DST: variants seen among roughly 807,000 people sequenced by gnomAD.
DST encodes dystonin.
Under a neutral mutation model 875.2 loss-of-function variants are expected in DST, and 253 were observed. The observed-to-expected ratio is 0.29, with a 90% confidence interval of 0.26 to 0.32. The LOEUF (loss-of-function observed/expected upper bound fraction) is 0.32. Ranked by LOEUF, DST falls within the 10% of genes least tolerant of loss-of-function variation. The pLI, the probability that DST is intolerant of heterozygous loss-of-function variation, is 1.00. For missense variants in DST, 8,287 were observed against 9,111.6 expected, an observed-to-expected ratio of 0.91 and a Z score of 3.68; for synonymous variants, 3,124 against 3,197.1, an observed-to-expected ratio of 0.98 and a Z score of 0.77.
At position 56,472,234 on chromosome 6, in the gene DST, T is replaced by G; in HGVS notation, c.21995-12A>C. 1 of 1,612,032 alleles carries G rather than the reference T, an allele frequency of 6.2e-7. No homozygotes were observed. Among genetic ancestry groups the G allele is most frequent in the Non-Finnish European group, 8.5e-7 (1 of 1,178,838 alleles). Reference sequence around the variant, plus strand: ...TGGAAAGCGTTTTCCTGTGAAGGTATAACTTCGGTTAGGATGGCAGTTTCC... The same window carrying G: ...TGGAAAGCGTTTTCCTGTGAAGGTAGAACTTCGGTTAGGATGGCAGTTTCC... On this transcript the variant is annotated splice_polypyrimidine_tract_variant and intron_variant, in intron 93 of 103. Transcript: ENST00000680361.
chr6:56,700,591 A>G (rs2099296152), intron 8 of DST, among the ~76,000 whole-genome samples: 1 of 152,176 alleles, frequency 6.6e-6, no homozygotes, highest in Admixed American at 6.5e-5. Flanking sequence ...AAATATTTTA[A>G]AATAATATAA....
At chr6:56,768,303 T>C (rs1400938752) in intron 4 of DST, among the ~76,000 whole-genome samples, 1 of 152,194 alleles carries the variant, frequency 6.6e-6, no homozygotes, top group East Asian at 1.9e-4. Flanking sequence ...ATTATAAAGC[T>C]ACAGTTGTCG....
intron 10 of DST, among the ~76,000 whole-genome samples, chr6:56,661,494 G>C (rs527899221): frequency 4.6e-5 from 7 of 152,134 alleles, no homozygotes; most frequent in African/African-American, 1.7e-4. Context: ...CAGCATGCGG[G>C]GGGAGGGGAA....
At chr6:56,581,929 T>C (rs530893052) in intron 49 of DST, among the ~76,000 whole-genome samples, 1 of 152,344 alleles carries the variant, frequency 6.6e-6, no homozygotes, top group East Asian at 1.9e-4. Context: ...AAGTTCCTCC[T>C]AGATTCCATC....
At chr6:56,551,265 G>C (rs1168438431) in intron 61 of DST, among the ~76,000 whole-genome samples, 1 of 152,112 alleles carries the variant, frequency 6.6e-6, no homozygotes, top group Non-Finnish European at 1.5e-5. Context: ...AAAATAATTT[G>C]TGGTTTTATA....
chr6:56,653,630 A>G (rs1228898939), intron 10 of DST, among the ~76,000 whole-genome samples: 1 of 152,208 alleles, frequency 6.6e-6, no homozygotes, highest in Non-Finnish European at 1.5e-5. Flanking sequence ...GGTTGCAGTG[A>G]GCCGAGATCA....
intron 92 of DST, among the ~76,000 whole-genome samples, chr6:56,475,815 G>C (rs150998098): frequency 8.5e-5 from 13 of 152,320 alleles, no homozygotes; most frequent in South Asian, 6.2e-4. Flanking sequence ...AGAGGGAACA[G>C]AGTGAGAGAA....
rs1488745975 is a variant in DST, at chr6:56,600,087, T to G, written c.11676A>C (p.Lys3892Asn). 6.2e-7 allele frequency: 1 copy of G among 1,612,518 alleles called. No individual in the cohort carries two copies. The highest frequency in any genetic ancestry group is 8.5e-7 in the Non-Finnish European group (1 of 1,179,034). ...MIGDGTVELK[K>N]YQSKQEELQK... is the part of the protein sequence containing the mutation. Reference sequence around the variant, plus strand: ...ATTCTACCTCTTGCTTGGACTGATATTTCTTTAACTCAACTGTGCCATCTC... The same window carrying G: ...ATTCTACCTCTTGCTTGGACTGATAGTTCTTTAACTCAACTGTGCCATCTC... Residue 3892 changes from lysine to asparagine, a missense_variant, in exon 45 of 104, where the codon AAA becomes AAC. This residue lies in a region of DST where 3,138 missense variants were observed against 3,116.6 expected (regional missense o/e 1.01). Transcript: ENST00000680361.
intron 2 of DST, among the ~76,000 whole-genome samples, chr6:56,933,047 C>T (rs1811134530): frequency 2.0e-5 from 3 of 152,068 alleles, no homozygotes; most frequent in Middle Eastern, 3.4e-3. Context: ...AGACCCCCAC[C>T]GAACAGCATG....
chr6:56,944,694 G>T (rs1311372825), intron 2 of DST, among the ~76,000 whole-genome samples: 1 of 152,172 alleles, frequency 6.6e-6, no homozygotes, highest in Non-Finnish European at 1.5e-5. Context: ...TTATGATCTT[G>T]AAAGAAGTGG....
intron 10 of DST, among the ~76,000 whole-genome samples, chr6:56,659,142 A>G (rs1246106631): frequency 6.6e-6 from 1 of 152,240 alleles, no homozygotes; most frequent in Non-Finnish European, 1.5e-5. Flanking sequence ...GAACTCCCAC[A>G]GAATCCAGTT....
In DST at chr6:56,509,879, G is replaced by A. The variant is rs1181465484; in HGVS notation, c.18781-6C>T. 5 of 1,560,148 alleles carry A rather than the reference G, an allele frequency of 3.2e-6. No individual in the cohort carries two copies. The highest frequency in any genetic ancestry group is 3.8e-5 in the Admixed American group (2 of 52,696). On this transcript the variant is annotated splice_polypyrimidine_tract_variant and splice_region_variant and intron_variant, in intron 73 of 103. Transcript: ENST00000680361. ...TGATCTATCTTGTCATGGAACTAGG[G>A]GCAAAACAAAGAGATCTTTTATGGA...
At chr6:56,937,590 C>T (rs1252706144) in intron 2 of DST, among the ~76,000 whole-genome samples, 1 of 152,106 alleles carries the variant, frequency 6.6e-6, no homozygotes, top group African/African-American at 2.4e-5. Flanking sequence ...TTTAAAAAAA[C>T]AACTGGAGAA....
intron 15 of DST, among the ~76,000 whole-genome samples, chr6:56,643,455 T>C (rs2098924368): frequency 6.6e-6 from 1 of 152,218 alleles, no homozygotes; most frequent in African/African-American, 2.4e-5. Flanking sequence ...AAACCTACTA[T>C]AAAGTGCCAA....
Position 56,489,501 on chromosome 6 carries a change from C to T in DST, c.20866G>A (p.Ala6956Thr). 6.2e-7 allele frequency: 1 copy of T among 1,611,938 alleles called. No individual in the cohort carries two copies. The change falls in exon 86 of 104, where the codon GCA becomes ACA. Residue 6956 changes from alanine to threonine, a missense_variant. By Grantham distance (58) the Ala-to-Thr change is moderately conservative. Coordinates refer to ENST00000680361, the MANE Select transcript of DST (RefSeq NM_001374736.1). ...AATTATGGACCCACCTTATGTTGTG[C>T]AAGTTGTGTTTTTATTTTGTCTGGA... ...NDPDKIKTQL[A>T]QHKEFQKSLG...
intron 36 of DST, chr6:56,624,269 C>T: frequency 1.7e-6 from 1 of 605,418 alleles, no homozygotes; most frequent in South Asian, 2.1e-5. Flanking sequence ...GACATTAACC[C>T]CACCATATTA....
At chr6:56,692,070 C>T (rs1229504278) in intron 9 of DST, among the ~76,000 whole-genome samples, 1 of 152,118 alleles carries the variant, frequency 6.6e-6, no homozygotes, top group East Asian at 1.9e-4. Context: ...CAGGCTATTC[C>T]ACAGGCAAAG....
chr6:56,636,265 CACAA>C (rs1326162884), intron 23 of DST, among the ~76,000 whole-genome samples: 9 of 147,564 alleles, frequency 6.1e-5, no homozygotes, highest in African/African-American at 2.1e-4. Flanking sequence ...TACACACACA[CACAA>C]ACACACACAC....
chr6:56,930,716 T>C (rs1809734913), intron 2 of DST, among the ~76,000 whole-genome samples: 1 of 152,184 alleles, frequency 6.6e-6, no homozygotes, highest in Admixed American at 6.5e-5. Context: ...ATCACCAGCA[T>C]TATCAGTAAT....
Sources: allele counts gnomAD v4.1 joint callset (sites outside exome capture counted in the v4.1 genomes callset), GRCh38; gene constraint gnomAD v4.1.1; regional missense constraint gnomAD v4.1.1; transcripts MANE v1.5; gene names NCBI Gene and HGNC (gene_info 2026-07-23, HGNC 2026-07-21).